The following VPS13B variants were observed in gnomAD, a reference collection of about 807,000 sequenced individuals.
VPS13B encodes intermembrane lipid transfer protein VPS13B.
In VPS13B, 285 loss-of-function variants were observed where a neutral mutation model predicts 426.4. The observed-to-expected ratio is 0.67, with a 90% CI of 0.61 to 0.74. The LOEUF is 0.74. Ranked by LOEUF, VPS13B falls within the 30% of genes least tolerant of loss-of-function variation. VPS13B has a pLI of 0.00. For missense variants in VPS13B, 4,537 were observed against 4,782.6 expected (o/e 0.95, Z 1.51); for synonymous variants, 1,676 against 1,676.4 (o/e 1.00, Z 0.01).
intron 59 of VPS13B, 79 bp downstream of exon 59, chr8:99,868,544 T>G: frequency 6.6e-7 from 1 of 1,522,880 alleles, no homozygotes; most frequent in Non-Finnish European, 8.9e-7. Context: ...CCTAAGATAG[T>G]GTAACCTTTC....
intron 35 of VPS13B, among the ~76,000 whole-genome samples, chr8:99,675,443 A>T (rs1183012965): frequency 6.6e-6 from 1 of 152,104 alleles, no homozygotes; most frequent in Non-Finnish European, 1.5e-5. Flanking sequence ...TTTGGATTGA[A>T]TCTGATTGAA....
intron 39 of VPS13B, among the ~76,000 whole-genome samples, chr8:99,762,388 C>T (rs2130598002): frequency 6.6e-6 from 1 of 152,194 alleles, no homozygotes; most frequent in South Asian, 2.1e-4. Flanking sequence ...TCTCTTCCAC[C>T]GCTGGTTGTT....
chr8:99,437,739 A>C (rs2133427862), intron 22 of VPS13B, among the ~76,000 whole-genome samples: 1 of 152,254 alleles, frequency 6.6e-6, no homozygotes, highest in Middle Eastern at 3.4e-3. Flanking sequence ...TTAAAAGAAT[A>C]AAAATATATA....
At chr8:99,357,616 A>G (rs1812248421) in intron 19 of VPS13B, among the ~76,000 whole-genome samples, 2 of 152,142 alleles carry the variant, frequency 1.3e-5, no homozygotes, top group African/African-American at 2.4e-5. Context: ...GTGAGTGACA[A>G]TATTGTGATG....
chr8:99,290,674 A>G (rs1356128784), intron 19 of VPS13B, among the ~76,000 whole-genome samples: 1 of 152,028 alleles, frequency 6.6e-6, no homozygotes, highest in Non-Finnish European at 1.5e-5. Flanking sequence ...AAAAAAGAAA[A>G]AAAAGGTAGT....
Position 99,642,189 on chromosome 8 carries a change from A to G in VPS13B, c.5599A>G (p.Ile1867Val), listed in dbSNP as rs1292009716. 6.2e-7 allele frequency: 1 copy of G among 1,614,146 alleles called. No individual in the cohort carries two copies. Residue 1867 changes from isoleucine (I) to valine (V), a missense_variant, in exon 34 of 62, where the codon ATT becomes GTT. Around this residue, in one of 2 missense-constraint regions of VPS13B, gnomAD observed 4,311 missense variants for 4,474.3 expected, o/e 0.96. Coordinates refer to ENST00000357162, the MANE Select transcript of VPS13B (RefSeq NM_152564.5). ...SDVAKPNQACISTVTAEDLLR... is the reference protein window; with the variant it reads ...SDVAKPNQACVSTVTAEDLLR... ...TGTTGCTAAGCCCAACCAGGCATGT[A>G]TTTCCACGGTGACAGCAGAAGATCT...
At chr8:99,139,320 G>C (rs1810262563) in intron 12 of VPS13B, among the ~76,000 whole-genome samples, 3 of 151,982 alleles carry the variant, frequency 2.0e-5, no homozygotes. Context: ...TGAGGAAACA[G>C]CAAACCCAAT....
rs555105159 is a variant in VPS13B at position 99,652,699 on chromosome 8, A to G, written c.5909-8655A>G. On this transcript the variant is annotated intron_variant, in intron 34 of 61. Coordinates refer to ENST00000357162, the MANE Select transcript of VPS13B (RefSeq NM_152564.5). The stretch of plus-strand genomic sequence containing the variant: ...TAGTTATTGTGACTTTAAGAAAAAG[A>G]TTGAATTATATGCCTCTTTAGAATT... Among the ~76,000 whole-genome samples, 4 of 152,250 alleles carry G rather than the reference A, an allele frequency of 2.6e-5. No individual in the cohort carries two copies. The South Asian group carries it at 8.3e-4, about 32-fold the overall frequency.
At chr8:99,053,379 G>A (rs1163937556) in intron 3 of VPS13B, among the ~76,000 whole-genome samples, 1 of 152,062 alleles carries the variant, frequency 6.6e-6, no homozygotes, top group East Asian at 1.9e-4. Flanking sequence ...CTATGAGTGA[G>A]AACATGCGGT....
intron 3 of VPS13B, among the ~76,000 whole-genome samples, chr8:99,053,361 A>T (rs566663011): frequency 2.0e-5 from 3 of 151,868 alleles, no homozygotes; most frequent in Non-Finnish European, 4.4e-5. Context: ...TCATTGTTCA[A>T]TTCCCACCTA....
At chr8:99,406,220 C>T (rs979619734) in intron 21 of VPS13B, among the ~76,000 whole-genome samples, 1 of 150,328 alleles carries the variant, frequency 6.7e-6, no homozygotes, top group African/African-American at 2.4e-5. Context: ...GTATCCTGTT[C>T]TTGTTTTTTT....
At chr8:99,512,931 C>T (rs2133641964) in intron 29 of VPS13B, among the ~76,000 whole-genome samples, 1 of 151,674 alleles carries the variant, frequency 6.6e-6, no homozygotes. Context: ...ATTGCTTGAA[C>T]CCAGGAGGTG....
In VPS13B at chr8:99,403,199, A is replaced by C. The variant is rs143539256; in HGVS notation, c.3082+11495A>C. ...TCTTACTGAACACAGATTTCTTGAC[A>C]GTTTTGTACATGGCTGGGGTACCTC... is the stretch of plus-strand genomic sequence containing the variant. On this transcript the variant is annotated intron_variant, in intron 21 of 61. Coordinates refer to ENST00000357162, the MANE Select transcript of VPS13B (RefSeq NM_152564.5). 3.9e-4 allele frequency among the ~76,000 whole-genome samples: 60 copies of C among 152,252 alleles called. 1 individual carries two copies. Among genetic ancestry groups the C allele is most frequent in the Middle Eastern group, 3.4e-3 (1 of 294 alleles).
chr8:99,344,621 G>T (rs1486855458), intron 19 of VPS13B, among the ~76,000 whole-genome samples: 2 of 152,086 alleles, frequency 1.3e-5, no homozygotes, highest in African/African-American at 2.4e-5. Flanking sequence ...ATGGATTTTT[G>T]CTGATCTGAA....
At chr8:99,142,928 G>C in intron 12 of VPS13B, 46 bp from the exon 13 acceptor site, 1 of 1,553,836 alleles carries the variant, frequency 6.4e-7, no homozygotes, top group Non-Finnish European at 8.7e-7. Context: ...ATATTTACTT[G>C]GTATATCCAA....
intron 22 of VPS13B, among the ~76,000 whole-genome samples, chr8:99,438,262 T>A (rs1817501368): frequency 6.6e-6 from 1 of 152,102 alleles, no homozygotes; most frequent in Admixed American, 6.6e-5. Flanking sequence ...CCAGTTGAAT[T>A]CTGTCTTCTA....
intron 17 of VPS13B, among the ~76,000 whole-genome samples, chr8:99,244,524 T>C (rs768504358): frequency 6.6e-6 from 1 of 152,232 alleles, no homozygotes; most frequent in Non-Finnish European, 1.5e-5. Flanking sequence ...AAATCTACCA[T>C]GGTTACAGAA....
At chr8:99,690,304 C>G (rs890367194) in intron 35 of VPS13B, among the ~76,000 whole-genome samples, 3 of 152,090 alleles carry the variant, frequency 2.0e-5, no homozygotes, top group African/African-American at 7.2e-5. Context: ...AGCACTAATT[C>G]AGGAAAGATC....
At chr8:99,124,581 T>G (rs559967397) in intron 8 of VPS13B, among the ~76,000 whole-genome samples, 15 of 152,154 alleles carry the variant, frequency 9.9e-5, no homozygotes, top group Admixed American at 3.3e-4. Flanking sequence ...GGAATAATAT[T>G]CAGCCATAAA....
Sources: gnomAD v4.1 joint callset for allele counts (sites outside exome capture counted in the v4.1 genomes callset) on GRCh38, gnomAD v4.1.1 for gene constraint, gnomAD v4.1.1 regional missense constraint, MANE v1.5 for transcripts, NCBI Gene and HGNC (gene_info 2026-07-23, HGNC 2026-07-21) for gene names.